The following TRMT2A variants were observed in gnomAD, a reference collection of about 807,000 sequenced individuals.
The protein encoded by TRMT2A is tRNA (uracil-5-)-methyltransferase homolog A.
Under a neutral mutation model 59.3 loss-of-function variants are expected in TRMT2A, and 60 were observed. The ratio of observed to expected loss-of-function variants is 1.01; its 90% CI spans 0.82 to 1.26. TRMT2A has a LOEUF of 1.26. TRMT2A is among the 50% of genes most tolerant of loss of function. TRMT2A has a pLI of 0.00. For missense variants in TRMT2A, 863 were observed against 845.2 expected, an observed-to-expected ratio of 1.02 and a Z score of -0.26; for synonymous variants, 403 against 353.7, an observed-to-expected ratio of 1.14 and a Z score of -1.56.
In TRMT2A at chr22:20,113,707, G is replaced by A. The variant is rs755938998; in HGVS notation, c.1335C>T (p.Thr445=). The change falls in exon 8 of 12, where the codon ACC becomes ACT. Residue 445 remains threonine (T), a synonymous_variant. Transcript: ENST00000252136. ...TCACCCGGGCCAGGGCCAGGCCAAT[G>A]GTGCCGGTGCCACAGCACACGTCCA... ...MVLDVCCGTG[T]IGLALARKVK... is the part of the protein sequence containing the mutation. 6.2e-7 allele frequency: 1 copy of A among 1,602,292 alleles called. No individual in the cohort carries two copies. Among genetic ancestry groups the A allele is most frequent in the Non-Finnish European group, 8.5e-7 (1 of 1,174,906 alleles).
chr22:20,116,834 CT>C, intron 1 of TRMT2A, 48 bp downstream of exon 1: 4 of 1,534,896 alleles, frequency 2.6e-6, no homozygotes, highest in Non-Finnish European at 3.6e-6. Flanking sequence ...CCCACCCCGC[CT>C]CCTCCCACCC....
At chr22:20,115,994 G>T in intron 2 of TRMT2A, 44 bp downstream of exon 2, 1 of 1,517,750 alleles carries the variant, frequency 6.6e-7, no homozygotes. Flanking sequence ...AGCACAGGCC[G>T]GGCAGAGCCC....
intron 2 of TRMT2A, 65 bp from the exon 3 acceptor site, chr22:20,115,845 C>T: frequency 6.7e-7 from 1 of 1,500,454 alleles, no homozygotes; most frequent in Non-Finnish European, 9.1e-7. Flanking sequence ...CAGGCCACTC[C>T]CCAAATGTCC....
chr22:20,117,005 A>C lies in TRMT2A; in HGVS notation c.-99T>G. 1.4e-6 allele frequency: 2 copies of C among 1,469,326 alleles called. No individual in the cohort carries two copies. Among genetic ancestry groups the C allele is most frequent in the South Asian group, 2.4e-5 (2 of 81,676 alleles). 91.0% of individuals were successfully genotyped at this position (1,469,326 alleles called of 1,614,324 possible). ...AAGGGAAGTGGCCTGTCACAAGGGA[A>C]GTGCTCAGAGGGGAGGTGCTCACAG... On this transcript the variant is annotated 5_prime_UTR_variant, in exon 1 of 12. Transcript: ENST00000252136.
Position 20,112,793 on chromosome 22 carries a change from G to A in TRMT2A, c.1648C>T (p.Leu550Phe). The A allele has an allele frequency of 6.2e-7, 1 of 1,613,254 alleles. No individual in the cohort carries two copies. Among genetic ancestry groups the A allele is most frequent in the Non-Finnish European group, 8.5e-7 (1 of 1,179,988 alleles). The change falls in exon 12 of 12, where the codon CTC becomes TTC. Residue 550 changes from leucine (L) to phenylalanine (F), a missense_variant and splice_region_variant. Physicochemically the swap from Leu to Phe is conservative, Grantham distance 22 (BLOSUM62 0). Coordinates refer to ENST00000252136, the MANE Select transcript of TRMT2A (RefSeq NM_022727.6). Reference sequence around the variant, plus strand: ...ACCCGGTTAGATGGGGCTCTGCAGAGGCTGTGGGGGGAAAAGGGGGGCGCT... The same window carrying A: ...ACCCGGTTAGATGGGGCTCTGCAGAAGCTGTGGGGGGAAAAGGGGGGCGCT... Reference protein sequence around the residue: ...PRAAMGNFVDLCRAPSNRVKG... With the variant: ...PRAAMGNFVDFCRAPSNRVKG...
At position 20,115,400 on chromosome 22, in the gene TRMT2A, A is replaced by G; in HGVS notation, c.756T>C (p.Asp252=). Residue 252 remains aspartate, a synonymous_variant, in exon 4 of 12, where the codon GAT becomes GAC. Transcript: ENST00000252136. ...GACAGCCCACGGTGTTATCCTCCCC[A>G]TCCACCCCGACGCCAACCAGAAACT... is the stretch of plus-strand genomic sequence containing the variant. ...KCEFLVGVGV[D]GEDNTVGCRL... The G allele has an allele frequency of 6.2e-7, 1 of 1,612,364 alleles. No individual in the cohort carries two copies. Among genetic ancestry groups the G allele is most frequent in the Non-Finnish European group, 8.5e-7 (1 of 1,179,818 alleles).
rs1330098175 is a variant in TRMT2A at position 20,116,926 on chromosome 22, C to A, written c.-20G>T. ...ACTCATCGCCCAGGCGGTTCTCCGCCTAGACCAGGGACGCCATGGGGGCCG... is the reference window on the plus strand; with the variant it reads ...ACTCATCGCCCAGGCGGTTCTCCGCATAGACCAGGGACGCCATGGGGGCCG... On this transcript the variant is annotated 5_prime_UTR_variant, in exon 1 of 12. It adds an upstream start codon to the 5' untranslated region. Transcript: ENST00000252136. 6.3e-7 allele frequency: 1 copy of A among 1,589,232 alleles called. No homozygotes were observed.
intron 1 of TRMT2A, 72 bp downstream of exon 1, chr22:20,116,811 G>T (rs1197366151): frequency 4.1e-6 from 6 of 1,472,696 alleles, no homozygotes. Flanking sequence ...CTATTCTCTG[G>T]CAGGTTTCCT....
At position 20,112,809 on chromosome 22, in the gene TRMT2A, G is replaced by C. The variant is rs756520974; in HGVS notation, c.1647-15C>G. 13 of 1,612,676 alleles carry C rather than the reference G, an allele frequency of 8.1e-6. No homozygotes were observed. The highest frequency in any genetic ancestry group is 1.1e-5 in the South Asian group (1 of 91,078). On this transcript the variant is annotated splice_polypyrimidine_tract_variant and intron_variant, in intron 11 of 11. Transcript: ENST00000252136. ...CTCTGCAGAGGCTGTGGGGGGAAAA[G>C]GGGGGCGCTAAGGTCAGCCGATAGG...
intron 10 of TRMT2A, 23 bp downstream of exon 10, chr22:20,113,095 C>T (rs368036112): frequency 1.9e-5 from 31 of 1,608,996 alleles, no homozygotes; most frequent in Non-Finnish European, 2.5e-5. Flanking sequence ...CCCGTGCCAC[C>T]TCCTTAAGCA....
chr22:20,115,514 C>T, intron 3 of TRMT2A, 67 bp from the exon 4 acceptor site: 23 of 1,577,026 alleles, frequency 1.5e-5, no homozygotes, highest in Non-Finnish European at 2.0e-5. Context: ...CCCTGATTTC[C>T]CCACAGGGGC....
chr22:20,114,448 C>T, intron 7 of TRMT2A, 126 bp downstream of exon 7: 1 of 792,524 alleles, frequency 1.3e-6, no homozygotes, highest in Admixed American at 1.8e-5. Context: ...TCACCCTCCC[C>T]TGTGGCTCAC....
Position 20,112,372 on chromosome 22 carries a change from A to T in TRMT2A, c.*191T>A, listed in dbSNP as rs1428972144. Reference sequence around the variant, plus strand: ...CACAAAGGCCCTGGGGATGGGCAACAGGCTACAGGAACCCACCTGTCTTCC... The same window carrying T: ...CACAAAGGCCCTGGGGATGGGCAACTGGCTACAGGAACCCACCTGTCTTCC... On this transcript the variant is annotated 3_prime_UTR_variant, in exon 12 of 12. Coordinates refer to ENST00000252136, the MANE Select transcript of TRMT2A (RefSeq NM_022727.6). 4 of 692,590 alleles carry T rather than the reference A, an allele frequency of 5.8e-6. 1 individual carries two copies. The highest frequency in any genetic ancestry group is 2.7e-5 in the East Asian group (1 of 36,472). The allele number at this position is 692,590 out of a possible 1,614,324, so 42.9% of individuals were successfully genotyped here.
chr22:20,115,893 A>G lies in TRMT2A; in HGVS notation c.600-113T>C, dbSNP rs138914233. ...CCTCCTTTGGGATGTCATTGTGCCC[A>G]CTGTGACGTGGGTGTCTTGCTGGCT... On this transcript the variant is annotated intron_variant, in intron 2 of 11. Coordinates refer to ENST00000252136, the MANE Select transcript of TRMT2A (RefSeq NM_022727.6). 3,724 of 1,380,840 alleles carry G rather than the reference A, an allele frequency of 2.7e-3. 6 individuals carry two copies. The highest frequency in any genetic ancestry group is 7.4e-3 in the Middle Eastern group (30 of 4,042). The allele number at this position is 1,380,840 out of a possible 1,614,324, so 85.5% of individuals were successfully genotyped here.
rs1487827362 is a variant in TRMT2A, at chr22:20,112,769, C to T, written c.1672G>A (p.Val558Met). Reference protein sequence around the residue: ...VDLCRAPSNRVKGIPFRPVKA... With the variant: ...VDLCRAPSNRMKGIPFRPVKA... ...ACCGGCCGGAAGGGAATGCCCTTCA[C>T]CCGGTTAGATGGGGCTCTGCAGAGG... The change falls in exon 12 of 12, where the codon GTG becomes ATG. Residue 558 changes from valine to methionine, a missense_variant. By Grantham distance (21) the Val-to-Met change is conservative. Coordinates refer to ENST00000252136, the MANE Select transcript of TRMT2A (RefSeq NM_022727.6). The T allele has an allele frequency of 6.2e-7, 1 of 1,613,426 alleles. No individual in the cohort carries two copies. The highest frequency in any genetic ancestry group is 8.5e-7 in the Non-Finnish European group (1 of 1,180,006).
In TRMT2A at chr22:20,115,960, A is replaced by G. The variant is rs531872364; in HGVS notation, c.599+78T>C. The stretch of plus-strand genomic sequence containing the variant: ...GCCAGATCCTGTGCTGGGCCTCCCA[A>G]CTGGTGCATGGACAGGCTGAGGAAG... On this transcript the variant is annotated intron_variant, in intron 2 of 11. Coordinates refer to ENST00000252136, the MANE Select transcript of TRMT2A (RefSeq NM_022727.6). 6.0e-5 allele frequency: 90 copies of G among 1,489,440 alleles called. No homozygotes were observed. The African/African-American group carries it at 1.2e-3, about 19-fold the overall frequency. The allele number at this position is 1,489,440 out of a possible 1,614,324, so 92.3% of individuals were successfully genotyped here. A position where few individuals can be genotyped will look rare whatever the true frequency, so the allele number is the denominator to read the frequency against.
Position 20,116,085 on chromosome 22 carries a change from A to C in TRMT2A, c.552T>G (p.Leu184=), listed in dbSNP as rs1245132722. ...GCTCGCACTCCAGCTGCTTCCGCTC[A>C]AGCTGCTCAGCATAGGGCACTGTCC... ...PLWTVPYAEQ[L]ERKQLECEQV... The change falls in exon 2 of 12, where the codon CTT becomes CTG. Residue 184 remains leucine (L), a synonymous_variant. Coordinates refer to ENST00000252136, the MANE Select transcript of TRMT2A (RefSeq NM_022727.6). 1 of 1,586,150 alleles carries C rather than the reference A, an allele frequency of 6.3e-7. No individual in the cohort carries two copies. Among genetic ancestry groups the C allele is most frequent in the Admixed American group, 1.7e-5 (1 of 57,776 alleles).
rs1177404743 is a variant in TRMT2A, at chr22:20,115,047, G to A, written c.923C>T (p.Thr308Met). The A allele has an allele frequency of 3.8e-6, 6 of 1,595,648 alleles. No homozygotes were observed. Among genetic ancestry groups the A allele is most frequent in the African/African-American group, 1.3e-5 (1 of 74,812 alleles). Residue 308 changes from threonine to methionine, a missense_variant, in exon 5 of 12, where the codon ACG becomes ATG. Physicochemically the swap from Thr to Met is moderately conservative, Grantham distance 81 (BLOSUM62 -1). Transcript: ENST00000252136. ...CAGCTGCTTCCAGTGGCCTGTGTAC[G>A]TCTCTGGGTCGTATGCCGAGTATGG... ...STPYSAYDPE[T>M]YTGHWKQLTV...
In TRMT2A at chr22:20,116,575, C is replaced by T. The variant is rs772443760; in HGVS notation, c.62G>A (p.Ser21Asn). 1.1e-4 allele frequency: 168 copies of T among 1,569,810 alleles called. No individual in the cohort carries two copies. Among genetic ancestry groups the T allele is most frequent in the Middle Eastern group, 1.7e-4 (1 of 5,848 alleles). ...KPMESCGQES[S>N]SALSCPTVSV... The stretch of plus-strand genomic sequence containing the variant: ...GACGGTAGGGCAGCTCAGGGCACTG[C>T]TGCTCTCCTGGCCACAGCTCTCCAT... The change falls in exon 2 of 12, where the codon AGC becomes AAC. Residue 21 changes from serine (S) to asparagine (N), a missense_variant. Ser to Asn is a conservative substitution (Grantham distance 46). Coordinates refer to ENST00000252136, the MANE Select transcript of TRMT2A (RefSeq NM_022727.6).
Sources: allele counts gnomAD v4.1 joint callset, GRCh38; gene constraint gnomAD v4.1.1; transcripts MANE v1.5; gene names NCBI Gene and HGNC (gene_info 2026-07-23, HGNC 2026-07-21).